LZTS1: variants seen among roughly 807,000 people sequenced by gnomAD.
LZTS1 encodes leucine zipper tumor suppressor 1.
LZTS1 carries 31 observed loss-of-function variants against 45.8 expected under a neutral mutation model. The observed-to-expected ratio is 0.68, with a 90% CI of 0.51 to 0.91. The LOEUF (loss-of-function observed/expected upper bound fraction) is 0.91. LZTS1 is among the 40% of genes least tolerant of loss of function. The pLI is 0.00. For synonymous variants in LZTS1, 359 were observed against 357.3 expected (o/e 1.00, Z -0.05); for missense variants, 821 against 788.9 (o/e 1.04, Z -0.49).
At chr8:20,276,720 C>G (rs778829885) in intron 1 of LZTS1, among the ~76,000 whole-genome samples, 1 of 152,174 alleles carries the variant, frequency 6.6e-6, no homozygotes. Flanking sequence ...GGTGAAACAA[C>G]CTGGTGAATT....
chr8:20,286,135 T>C (rs1800787849), intron 1 of LZTS1, among the ~76,000 whole-genome samples: 1 of 152,184 alleles, frequency 6.6e-6, no homozygotes, highest in Admixed American at 6.5e-5. Context: ...AGCACTATTC[T>C]AGAGGAAAAA....
intron 1 of LZTS1, among the ~76,000 whole-genome samples, chr8:20,264,865 A>T (rs1800315185): frequency 6.6e-6 from 1 of 152,160 alleles, no homozygotes; most frequent in Non-Finnish European, 1.5e-5. Context: ...ACTGGGTTTC[A>T]TTTCCAGCTG....
intron 1 of LZTS1, among the ~76,000 whole-genome samples, chr8:20,274,758 G>A (rs1024169870): frequency 1.3e-5 from 2 of 152,228 alleles, no homozygotes; most frequent in Non-Finnish European, 2.9e-5. Context: ...GAATTTCTGG[G>A]ATGTGGGATG....
At chr8:20,291,960 C>T (rs917061385) in intron 1 of LZTS1, among the ~76,000 whole-genome samples, 8 of 152,204 alleles carry the variant, frequency 5.3e-5, no homozygotes, top group African/African-American at 1.9e-4. Context: ...AGACTGCCAG[C>T]CAGGTGAGGG....
At chr8:20,297,708 G>A (rs758513818) in intron 1 of LZTS1, among the ~76,000 whole-genome samples, 6 of 152,046 alleles carry the variant, frequency 3.9e-5, no homozygotes, top group Admixed American at 3.3e-4. Context: ...GAGCCATCAC[G>A]CCAGGCCCTA....
At chr8:20,276,945 C>CA (rs1800596789) in intron 1 of LZTS1, among the ~76,000 whole-genome samples, 1 of 152,190 alleles carries the variant, frequency 6.6e-6, no homozygotes, top group African/African-American at 2.4e-5. Context: ...GTAAGCATGT[C>CA]AGAGGCATTT....
chr8:20,253,217 C>T lies in LZTS1; in HGVS notation c.714G>A (p.Lys238=). 2 of 1,613,896 alleles carry T rather than the reference C, an allele frequency of 1.2e-6. No individual in the cohort carries two copies. The highest frequency in any genetic ancestry group is 1.7e-6 in the Non-Finnish European group (2 of 1,180,046). Residue 238 remains lysine, a synonymous_variant, in exon 3 of 4, where the codon AAG becomes AAA. Coordinates refer to ENST00000381569, the MANE Select transcript of LZTS1 (RefSeq NM_021020.5). ...TGTCTGCCTTGTTCGAGTGGCCCAG[C>T]TTGCTACCTCCGTCGGAGAAGGACA... ...KALSFSDGGS[K]LGHSNKADKG...
chr8:20,283,150 G>C (rs1185466448), intron 1 of LZTS1, among the ~76,000 whole-genome samples: 7 of 152,184 alleles, frequency 4.6e-5, no homozygotes, highest in African/African-American at 1.7e-4. Flanking sequence ...TGGATGCTCA[G>C]ATGTGTTCTG....
rs781698128 is a variant in LZTS1 at position 20,253,029 on chromosome 8, C to T, written c.902G>A (p.Arg301His). 7.5e-6 allele frequency: 12 copies of T among 1,601,478 alleles called. No individual in the cohort carries two copies. The highest frequency in any genetic ancestry group is 1.7e-4 in the Middle Eastern group (1 of 6,044). The change falls in exon 3 of 4, where the codon CGC becomes CAC. Residue 301 changes from arginine to histidine, a missense_variant. Arg to His is a conservative substitution (Grantham distance 29). Transcript: ENST00000381569. ...CGGGCCCTCCAGCTCGTCCCTGCAG[C>T]GCCGCGGCCGCTCCTCGTAGGCCAG... ...SSLAYEERPRRCRDELEGPEP... is the reference protein window; with the variant it reads ...SSLAYEERPRHCRDELEGPEP...
chr8:20,271,051 T>C (rs1277430379), intron 1 of LZTS1, among the ~76,000 whole-genome samples: 1 of 152,052 alleles, frequency 6.6e-6, no homozygotes, highest in East Asian at 1.9e-4. Context: ...TGTCTGTGTG[T>C]GCCTGAGTGT....
intron 1 of LZTS1, among the ~76,000 whole-genome samples, chr8:20,293,023 TCC>T (rs962955963): frequency 9.1e-4 from 139 of 152,208 alleles, no homozygotes; most frequent in African/African-American, 3.1e-3. Flanking sequence ...ATTAGGAACT[TCC>T]CTCTCTTTGA....
chr8:20,281,548 GC>G (rs2128897421), intron 1 of LZTS1, among the ~76,000 whole-genome samples: 1 of 152,302 alleles, frequency 6.6e-6, no homozygotes, highest in Admixed American at 6.5e-5. Flanking sequence ...TCCAGCCTGG[GC>G]AACAAGAGTG....
rs1232167102 is a variant in LZTS1, at chr8:20,253,170, G to C, written c.761C>G (p.Ser254Cys). The stretch of plus-strand genomic sequence containing the variant: ...GCTGCACTCGTCCGTGGAGATGGGG[G>C]AGCGGACACACGAGGGGCCCTTGTC... ...KADKGPSCVR[S>C]PISTDECSIQ... The change falls in exon 3 of 4, where the codon TCC becomes TGC. Residue 254 changes from serine (S) to cysteine (C), a missense_variant. Physicochemically the swap from Ser to Cys is moderately radical, Grantham distance 112. Coordinates refer to ENST00000381569, the MANE Select transcript of LZTS1 (RefSeq NM_021020.5). 1.2e-6 allele frequency: 2 copies of C among 1,613,452 alleles called. No individual in the cohort carries two copies. Among genetic ancestry groups the C allele is most frequent in the Admixed American group, 3.3e-5 (2 of 60,034 alleles).
chr8:20,269,625 A>G (rs1585290248), intron 1 of LZTS1, among the ~76,000 whole-genome samples: 1 of 152,224 alleles, frequency 6.6e-6, no homozygotes, highest in African/African-American at 2.4e-5. Context: ...GGAAGAATCA[A>G]TGGAAACTGA....
At chr8:20,277,273 G>A (rs900805701) in intron 1 of LZTS1, among the ~76,000 whole-genome samples, 10 of 152,182 alleles carry the variant, frequency 6.6e-5, no homozygotes, top group Non-Finnish European at 1.3e-4. Context: ...GGCAATGTCA[G>A]GAAATTACCG....
chr8:20,252,726 G>A, intron 3 of LZTS1, 56 bp downstream of exon 3: 2 of 1,431,226 alleles, frequency 1.4e-6, no homozygotes, highest in Admixed American at 4.7e-5. Context: ...AAGGAGAGGG[G>A]GGTACTGGCG....
intron 1 of LZTS1, among the ~76,000 whole-genome samples, chr8:20,268,214 C>T (rs1299048497): frequency 7.1e-6 from 1 of 141,448 alleles, no homozygotes; most frequent in Non-Finnish European, 1.6e-5. Context: ...CTCTGGGCCT[C>T]CAGGAGGGCA....
chr8:20,277,038 C>A (rs1237215438), intron 1 of LZTS1, among the ~76,000 whole-genome samples: 1 of 152,172 alleles, frequency 6.6e-6, no homozygotes. Flanking sequence ...GAAGTTAAGG[C>A]ATTCTAAGTC....
chr8:20,275,587 C>T (rs1310473730), intron 1 of LZTS1, among the ~76,000 whole-genome samples: 2 of 151,334 alleles, frequency 1.3e-5, no homozygotes, highest in African/African-American at 2.4e-5. Context: ...GGGGCAATCT[C>T]GGGGTAAGAG....
Sources: allele counts gnomAD v4.1 joint callset (sites outside exome capture counted in the v4.1 genomes callset), GRCh38; gene constraint gnomAD v4.1.1; transcripts MANE v1.5; gene names NCBI Gene and HGNC (gene_info 2026-07-23, HGNC 2026-07-21).